NOP9: variants seen among roughly 807,000 people sequenced by gnomAD.
NOP9 encodes the protein nucleolar protein 9.
NOP9 carries 50 observed loss-of-function variants against 63.0 expected under a neutral mutation model. The observed-to-expected ratio is 0.79, with a 90% CI of 0.63 to 1.00. The LOEUF (loss-of-function observed/expected upper bound fraction) is 1.00, where lower values mean the gene tolerates loss of function less well. Ranked by LOEUF, NOP9 falls within the 50% of genes least tolerant of loss-of-function variation. NOP9 has a pLI of 0.00. For missense variants in NOP9, 758 were observed against 803.0 expected, an observed-to-expected ratio of 0.94 and a Z score of 0.68; for synonymous variants, 343 against 332.8, an observed-to-expected ratio of 1.03 and a Z score of -0.33.
chr14:24,289,591 G>T, the NOP9 span, among the ~76,000 whole-genome samples: 20 of 152,312 alleles, frequency 1.3e-4, no homozygotes, highest in Middle Eastern at 3.4e-3. Context: ...GAGGGAATCT[G>T]ATCACTGTGA....
upstream of NOP9, chr14:24,299,171 T>A: frequency 6.6e-7 from 1 of 1,505,612 alleles, no homozygotes; most frequent in Non-Finnish European, 9.0e-7. Flanking sequence ...GCCTGGAGAC[T>A]GTGTGTGTGT....
Position 24,302,359 on chromosome 14 carries a change from G to C in NOP9, c.1078G>C (p.Ala360Pro). The C allele has an allele frequency of 6.2e-7, 1 of 1,614,062 alleles. No individual in the cohort carries two copies. Among genetic ancestry groups the C allele is most frequent in the South Asian group, 1.1e-5 (1 of 91,084 alleles). ...CTTGCAGGGGCAGCTGCAGACCCTGGCTGCACATCCCATTGCCAACTTCCC... is the reference window on the plus strand; with the variant it reads ...CTTGCAGGGGCAGCTGCAGACCCTGCCTGCACATCCCATTGCCAACTTCCC... ...EHLQGQLQTL[A>P]AHPIANFPLQ... The change falls in exon 5 of 10, where the codon GCT (alanine) becomes CCT (proline). Residue 360 changes from alanine (A) to proline (P), a missense_variant. Coordinates refer to ENST00000267425, the MANE Select transcript of NOP9 (RefSeq NM_174913.3).
At chr14:24,303,346 GA>G in intron 6 of NOP9, 132 bp downstream of exon 6, 3 of 1,159,806 alleles carry the variant, frequency 2.6e-6, no homozygotes, top group Non-Finnish European at 3.8e-6. Flanking sequence ...AGGAATGGGG[GA>G]AAATGAGGCC....
chr14:24,292,047 G>A, the NOP9 span: 3 of 1,104,952 alleles, frequency 2.7e-6, no homozygotes, highest in Non-Finnish European at 4.0e-6. Flanking sequence ...AGGATTAAAG[G>A]AAATAATGTG....
intron 6 of NOP9, 101 bp from the exon 7 acceptor site, chr14:24,303,631 G>A (rs1307101310): frequency 7.4e-6 from 9 of 1,210,404 alleles, no homozygotes; most frequent in East Asian, 7.1e-5. Context: ...TAACATTCTT[G>A]TGGAGTTGGG....
intron 5 of NOP9, among the ~76,000 whole-genome samples, chr14:24,302,667 G>A (rs2041398639): frequency 6.6e-6 from 1 of 152,208 alleles, no homozygotes; most frequent in Non-Finnish European, 1.5e-5. Context: ...ACAGCTTGAG[G>A]TTCCATGGCC....
At position 24,305,065 on chromosome 14, in the gene NOP9, G is replaced by A; in HGVS notation, c.1881G>A (p.Arg627=). The change falls in exon 10 of 10, where the codon AGG becomes AGA. Residue 627 remains arginine (R), a synonymous_variant. Coordinates refer to ENST00000267425, the MANE Select transcript of NOP9 (RefSeq NM_174913.3). The part of the protein sequence containing the change: ...EQQQGAVAKR[R]RALNSILED ...AGCAGGGTGCGGTGGCCAAGCGGAG[G>A]CGGGCATTGAACTCCATACTTGAAG... 6.3e-7 allele frequency: 1 copy of A among 1,580,114 alleles called. No homozygotes were observed. The highest frequency in any genetic ancestry group is 2.3e-5 in the East Asian group (1 of 43,164).
chr14:24,278,118 G>A, the NOP9 span, among the ~76,000 whole-genome samples: 3 of 152,276 alleles, frequency 2.0e-5, no homozygotes, highest in East Asian at 3.9e-4. Context: ...AGAGCACAGC[G>A]TTATAGCGAG....
rs969186489 is a variant in NOP9, at chr14:24,307,744, G to T, written c.*2649G>T. 1.4e-5 allele frequency: 20 copies of T among 1,474,904 alleles called. No individual in the cohort carries two copies. The highest frequency in any genetic ancestry group is 7.0e-5 in the African/African-American group (5 of 71,620). The allele number at this position is 1,474,904 out of a possible 1,614,324, so 91.4% of individuals were successfully genotyped here. A position where few individuals can be genotyped will look rare whatever the true frequency, so the allele number is the denominator to read the frequency against. ...GGAAGGGGTACTGGTTAGTCTCCTA[G>T]GGGCTGAGTGGAGTATTGTTGCCCT... On this transcript the variant is annotated 3_prime_UTR_variant, in exon 10 of 10. Transcript: ENST00000267425.
intron 1 of NOP9, 78 bp downstream of exon 1, chr14:24,300,279 C>T: frequency 6.3e-7 from 1 of 1,579,664 alleles, no homozygotes; most frequent in South Asian, 1.2e-5. Context: ...GTCGGCAGGG[C>T]GTGGGGACTT....
Position 24,308,104 on chromosome 14 carries a change from G to T in NOP9, c.*3009G>T. The T allele has an allele frequency of 1.8e-6, 1 of 565,108 alleles. No homozygotes were observed. Among genetic ancestry groups the T allele is most frequent in the Non-Finnish European group, 3.2e-6 (1 of 313,348 alleles). 35.0% of individuals were successfully genotyped at this position (565,108 alleles called of 1,614,324 possible). Reference sequence around the variant, plus strand: ...TGCCTGGCAAAAGCCATTGGAGCTTGTATGTGTGTCTTTGGTGATGACATG... The same window carrying T: ...TGCCTGGCAAAAGCCATTGGAGCTTTTATGTGTGTCTTTGGTGATGACATG... On this transcript the variant is annotated 3_prime_UTR_variant, in exon 10 of 10. Transcript: ENST00000267425.
Position 24,308,146 on chromosome 14 carries a change from G to A in NOP9, c.*3051G>A, listed in dbSNP as rs1031319684. 9 of 484,280 alleles carry A rather than the reference G, an allele frequency of 1.9e-5. No individual in the cohort carries two copies. The highest frequency in any genetic ancestry group is 1.8e-4 in the South Asian group (8 of 44,498). The allele number at this position is 484,280 out of a possible 1,614,324, so 30.0% of individuals were successfully genotyped here. A position where few individuals can be genotyped will look rare whatever the true frequency, so the allele number is the denominator to read the frequency against. On this transcript the variant is annotated 3_prime_UTR_variant, in exon 10 of 10. Coordinates refer to ENST00000267425, the MANE Select transcript of NOP9 (RefSeq NM_174913.3). ...GATGACATGTGTTGTGAGGGTAGAT[G>A]GGAACCATGTAAAAGGATGAAATGT... is the stretch of plus-strand genomic sequence containing the variant.
At chr14:24,302,738 TCTC>T (rs2041399852) in intron 5 of NOP9, among the ~76,000 whole-genome samples, 1 of 152,190 alleles carries the variant, frequency 6.6e-6, no homozygotes, top group Admixed American at 6.5e-5. Context: ...TGCCATAGCT[TCTC>T]TTTTCCTTTG....
chr14:24,307,848 A>G lies in NOP9; in HGVS notation c.*2753A>G. On this transcript the variant is annotated 3_prime_UTR_variant, in exon 10 of 10. Transcript: ENST00000267425. ...TAAGTCACTGGGGTTCAGAGCTGAG[A>G]GGTACTCCATGGTGGACCGGAGAGT... 6.3e-7 allele frequency: 1 copy of G among 1,594,548 alleles called. No homozygotes were observed. The highest frequency in any genetic ancestry group is 1.8e-5 in the Admixed American group (1 of 56,978).
At chr14:24,289,045 G>A in the NOP9 span, among the ~76,000 whole-genome samples, 9 of 148,972 alleles carry the variant, frequency 6.0e-5, no homozygotes, top group Non-Finnish European at 1.3e-4. Flanking sequence ...GCACGATCTC[G>A]GCTCACTGCA....
rs2041529241 is a variant in NOP9, at chr14:24,306,925, GT to G, written c.*1831del. 1.4e-5 allele frequency: 4 copies of G among 276,846 alleles called. No individual in the cohort carries two copies. The South Asian group carries it at 2.1e-4, about 14-fold the overall frequency. The allele number at this position is 276,846 out of a possible 1,614,324, so 17.1% of individuals were successfully genotyped here. A position where few individuals can be genotyped will look rare whatever the true frequency, so the allele number is the denominator to read the frequency against. On this transcript the variant is annotated 3_prime_UTR_variant, in exon 10 of 10. Coordinates refer to ENST00000267425, the MANE Select transcript of NOP9 (RefSeq NM_174913.3). ...TTTAACCTTTTTGAGTCCTTACTCTGTGCCAGGTATGAGGACTTTACCTACA... is the reference window on the plus strand; with the variant it reads ...TTTAACCTTTTTGAGTCCTTACTCTGGCCAGGTATGAGGACTTTACCTACA...
At chr14:24,297,994 T>C (rs1444676618), upstream of NOP9, among the ~76,000 whole-genome samples, 1 of 152,204 alleles carries the variant, frequency 6.6e-6, no homozygotes, top group African/African-American at 2.4e-5. Flanking sequence ...CACATTACAT[T>C]GAAGTGACTG....
At chr14:24,301,566 G>T (rs772929760) in intron 2 of NOP9, 46 bp from the exon 3 acceptor site, 92 of 1,605,082 alleles carry the variant, frequency 5.7e-5, no homozygotes, top group Non-Finnish European at 7.4e-5. Context: ...CTCCTGGATG[G>T]CAGTTTGTGA....
chr14:24,301,810 C>A, intron 3 of NOP9, 88 bp downstream of exon 3: 1 of 1,514,426 alleles, frequency 6.6e-7, no homozygotes, highest in Non-Finnish European at 9.1e-7. Context: ...CAGGTTATTC[C>A]TCTTCTTTTC....
Sources: allele counts gnomAD v4.1 joint callset (sites outside exome capture counted in the v4.1 genomes callset), GRCh38; gene constraint gnomAD v4.1.1; transcripts MANE v1.5; gene names NCBI Gene and HGNC (gene_info 2026-07-23, HGNC 2026-07-21).